ATG7: variants seen among roughly 807,000 people sequenced by gnomAD.
ATG7 encodes ubiquitin-like modifier-activating enzyme ATG7.
A neutral mutation model predicts 82.4 loss-of-function variants in ATG7; 70 were observed. The observed-to-expected ratio is 0.85, with a 90% CI of 0.70 to 1.04. ATG7 has a LOEUF of 1.04. Among genes scored for constraint, ATG7 ranks in the 50% least tolerant of loss-of-function variants. The pLI is 0.00. For missense variants in ATG7, 792 were observed against 864.3 expected, an observed-to-expected ratio of 0.92 and a Z score of 1.05; for synonymous variants, 287 against 313.0, an observed-to-expected ratio of 0.92 and a Z score of 0.88.
chr3:11,568,219 A>G, the ATG7 span, among the ~76,000 whole-genome samples: 1 of 152,216 alleles, frequency 6.6e-6, no homozygotes, highest in Non-Finnish European at 1.5e-5. The surrounding 1 kb of genome is among the most constrained non-coding windows in gnomAD (Gnocchi z 5.9). Flanking sequence ...GTCGTGGTAC[A>G]TAAGGCACTG....
At chr3:11,306,868 A>T in intron 5 of ATG7, 75 bp from the exon 6 acceptor site, 1 of 1,109,450 alleles carries the variant, frequency 9.0e-7, no homozygotes, top group Non-Finnish European at 1.4e-6. Flanking sequence ...TTATCCCACT[A>T]CAGTGGTGGT....
downstream of ATG7, chr3:11,558,454 T>TCC: frequency 9.4e-7 from 1 of 1,064,154 alleles, no homozygotes. Context: ...TCCCTTCCCT[T>TCC]CCCCCCACCC....
intron 20 of ATG7, among the ~76,000 whole-genome samples, chr3:11,519,293 A>T (rs894119872): frequency 3.9e-5 from 6 of 152,148 alleles, no homozygotes; most frequent in Non-Finnish European, 8.8e-5. Flanking sequence ...TACTATCATA[A>T]TCCCCATTTT....
At chr3:11,504,112 T>C (rs1393774181) in intron 20 of ATG7, among the ~76,000 whole-genome samples, 1 of 152,104 alleles carries the variant, frequency 6.6e-6, no homozygotes, top group Non-Finnish European at 1.5e-5. Context: ...AGGTTCATCA[T>C]AGTGAATTTC....
In ATG7 at chr3:11,352,303, A is replaced by C. The variant is rs538097400; in HGVS notation, c.1284+4268A>C. Among the ~76,000 whole-genome samples, 1,152 of 152,326 alleles carry C rather than the reference A, an allele frequency of 7.6e-3. 10 individuals are homozygous for C. The highest frequency in any genetic ancestry group is 0.017 in the Middle Eastern group (5 of 294). The stretch of plus-strand genomic sequence containing the variant: ...TCTTTGCTATTGTGAATAGTGCCGC[A>C]ATAAACATATGTGTGCATGTGTCTT... On this transcript the variant is annotated intron_variant, in intron 14 of 20. Coordinates refer to ENST00000693202, the MANE Select transcript of ATG7 (RefSeq NM_001349232.2).
At chr3:11,501,687 T>G (rs1224684690) in intron 20 of ATG7, among the ~76,000 whole-genome samples, 1 of 152,166 alleles carries the variant, frequency 6.6e-6, no homozygotes, top group East Asian at 1.9e-4. Context: ...TCATGATGTC[T>G]GCAATATACT....
chr3:11,465,278 C>G (rs2086716161), intron 20 of ATG7, among the ~76,000 whole-genome samples: 1 of 151,746 alleles, frequency 6.6e-6, no homozygotes. Flanking sequence ...AACCCCATCT[C>G]TACTAAAAAT....
intron 20 of ATG7, among the ~76,000 whole-genome samples, chr3:11,514,218 G>A (rs2092189348): frequency 6.6e-6 from 1 of 152,166 alleles, no homozygotes; most frequent in Non-Finnish European, 1.5e-5. Context: ...GAAGGAAAGT[G>A]GTTGAGTCAA....
intron 19 of ATG7, among the ~76,000 whole-genome samples, chr3:11,384,541 A>G (rs1248397392): frequency 2.0e-5 from 3 of 152,196 alleles, no homozygotes; most frequent in South Asian, 2.1e-4. Flanking sequence ...AGGGTTAGGT[A>G]GGAATAATAA....
intron 20 of ATG7, among the ~76,000 whole-genome samples, chr3:11,436,603 A>G (rs571812646): frequency 1.3e-5 from 2 of 152,350 alleles, no homozygotes; most frequent in Non-Finnish European, 2.9e-5. Context: ...CAAAAAATGT[A>G]CACAGTGTTC....
intron 14 of ATG7, among the ~76,000 whole-genome samples, chr3:11,350,923 CAAAAAAA>C (rs10709080): frequency 1.7e-5 from 1 of 57,620 alleles, no homozygotes; most frequent in African/African-American, 7.2e-5. Flanking sequence ...GACCCTAGCC[CAAAAAAA>C]AAAAAAAAAA....
At chr3:11,442,683 G>A (rs2084092461) in intron 20 of ATG7, among the ~76,000 whole-genome samples, 1 of 132,444 alleles carries the variant, frequency 7.6e-6, no homozygotes, top group South Asian at 2.6e-4. Context: ...TGGGAGGATT[G>A]TGTGAGACTA....
At position 11,475,868 on chromosome 3, in the gene ATG7, GACACACACACACACACACAC is replaced by G. The variant is rs3219674; in HGVS notation, c.2079+48963_2079+48982del. ...TCTATGTCCATCTCTCTGTCTCTGA[GACACACACACACACACACAC>G]ACACACACACACACACACACCCCCT... On this transcript the variant is annotated intron_variant, in intron 20 of 20. Coordinates refer to ENST00000693202, the MANE Select transcript of ATG7 (RefSeq NM_001349232.2). 2.9e-3 allele frequency among the ~76,000 whole-genome samples: 317 copies of G among 111,192 alleles called. 2 individuals carry two copies. The highest frequency in any genetic ancestry group is 4.7e-3 in the Non-Finnish European group (263 of 55,506). 72.9% of individuals were successfully genotyped at this position (111,192 alleles called of 152,430 possible). A position where few individuals can be genotyped will look rare whatever the true frequency, so the allele number is the denominator to read the frequency against.
At chr3:11,411,724 T>C (rs560676243) in intron 19 of ATG7, among the ~76,000 whole-genome samples, 114 of 151,922 alleles carry the variant, frequency 7.5e-4, no homozygotes, top group African/African-American at 2.7e-3. Flanking sequence ...ATGTTGTCCA[T>C]CTATGAAATT....
intron 19 of ATG7, among the ~76,000 whole-genome samples, chr3:11,395,939 C>CAAA (rs869125190): frequency 3.1e-4 from 8 of 25,524 alleles, no homozygotes; most frequent in Admixed American, 5.8e-4. Flanking sequence ...GACTCTGTCT[C>CAAA]AAAAAAAAAA....
At chr3:11,387,976 C>CA (rs1575956774) in intron 19 of ATG7, among the ~76,000 whole-genome samples, 1 of 152,016 alleles carries the variant, frequency 6.6e-6, no homozygotes, top group African/African-American at 2.4e-5. Flanking sequence ...AATGCAAAGC[C>CA]ACACAGTTTT....
chr3:11,346,667 C>G (rs1954601600), intron 13 of ATG7: 1 of 152,180 alleles, frequency 6.6e-6, no homozygotes, highest in South Asian at 2.1e-4. Flanking sequence ...GAGTGCCTTC[C>G]TTGCTATCCA....
Position 11,342,204 on chromosome 3 carries a change from G to C in ATG7, c.1050G>C (p.Leu350Phe). 4.3e-6 allele frequency: 7 copies of C among 1,613,542 alleles called. No homozygotes were observed. The highest frequency in any genetic ancestry group is 5.9e-6 in the Non-Finnish European group (7 of 1,180,000). Reference protein sequence around the residue: ...MCWRLVPTLDLDKVVSVKCLL... With the variant: ...MCWRLVPTLDFDKVVSVKCLL... ...GGAGATTGGTTCCTACTTTAGACTT[G>C]GACAAGGTTGTGTCTGTCAAATGTC... Residue 350 changes from leucine (L) to phenylalanine (F), a missense_variant, in exon 13 of 21, where the codon TTG becomes TTC. Physicochemically the swap from Leu to Phe is conservative, Grantham distance 22. Transcript: ENST00000693202.
intron 3 of ATG7, among the ~76,000 whole-genome samples, chr3:11,297,344 C>T (rs1190658389): frequency 1.3e-5 from 2 of 152,078 alleles, no homozygotes; most frequent in African/African-American, 2.4e-5. Flanking sequence ...GGCAGCAGAG[C>T]GTGACCCTGT....
Sources: gnomAD v4.1 joint callset for allele counts (sites outside exome capture counted in the v4.1 genomes callset) on GRCh38, gnomAD v4.1.1 for gene constraint, Gnocchi (gnomAD v3.1) non-coding constraint, MANE v1.5 for transcripts, NCBI Gene and HGNC (gene_info 2026-07-23, HGNC 2026-07-21) for gene names.